WAC: variants seen among roughly 807,000 people sequenced by gnomAD.
WAC encodes WW domain containing adaptor with coiled-coil.
WAC carries 11 observed loss-of-function variants against 79.6 expected under a neutral mutation model. The observed-to-expected ratio is 0.14, with a 90% CI of 0.09 to 0.23. WAC has a LOEUF of 0.23. WAC is among the 10% of genes least tolerant of loss of function. The pLI is 1.00. For missense variants in WAC, 728 were observed against 773.5 expected, an observed-to-expected ratio of 0.94 and a Z score of 0.70; for synonymous variants, 304 against 276.9, an observed-to-expected ratio of 1.10 and a Z score of -0.97.
intron 10 of WAC, among the ~76,000 whole-genome samples, chr10:28,612,608 T>G (rs2132839479): frequency 6.6e-6 from 1 of 152,324 alleles, no homozygotes; most frequent in African/African-American, 2.4e-5. Context: ...CAAATAATTC[T>G]TTGTAAGATA....
intron 7 of WAC, among the ~76,000 whole-genome samples, chr10:28,603,170 G>A (rs1829588245): frequency 6.6e-6 from 1 of 152,170 alleles, no homozygotes; most frequent in African/African-American, 2.4e-5. Flanking sequence ...GCTTCCCTGG[G>A]CCACATTGGA....
intron 4 of WAC, among the ~76,000 whole-genome samples, chr10:28,585,351 G>A (rs749371857): frequency 1.3e-5 from 2 of 152,030 alleles, no homozygotes; most frequent in Non-Finnish European, 2.9e-5. Flanking sequence ...CCTTTCTCCT[G>A]CCTTTCATTC....
At chr10:28,564,545 G>C (rs1838490971) in intron 3 of WAC, among the ~76,000 whole-genome samples, 2 of 152,132 alleles carry the variant, frequency 1.3e-5, no homozygotes, top group African/African-American at 4.8e-5. Flanking sequence ...TTATCATTAG[G>C]GACAAGGAGA....
At chr10:28,543,951 G>T (rs140747208) in intron 3 of WAC, among the ~76,000 whole-genome samples, 1 of 152,122 alleles carries the variant, frequency 6.6e-6, no homozygotes, top group Non-Finnish European at 1.5e-5. Context: ...GTGCAGTGGC[G>T]CAATCTTTGC....
At chr10:28,534,683 A>G (rs529945841) in intron 2 of WAC, among the ~76,000 whole-genome samples, 77 of 152,298 alleles carry the variant, frequency 5.1e-4, no homozygotes, top group African/African-American at 1.3e-3. Flanking sequence ...AGTGGCCCCA[A>G]TTTTCAGGAG....
intron 3 of WAC, among the ~76,000 whole-genome samples, chr10:28,560,692 T>TAAAGG (rs1401492311): frequency 6.6e-6 from 1 of 152,186 alleles, no homozygotes; most frequent in Non-Finnish European, 1.5e-5. Flanking sequence ...GCAGACTCTG[T>TAAAGG]AAAGGACACA....
chr10:28,589,508 A>G (rs540789409), intron 4 of WAC: 7 of 247,840 alleles, frequency 2.8e-5, no homozygotes, highest in African/African-American at 4.5e-5. Flanking sequence ...TTCTGTGCCT[A>G]ACAATCTAAT....
chr10:28,565,351 G>A (rs942318087), intron 3 of WAC, among the ~76,000 whole-genome samples: 1 of 152,056 alleles, frequency 6.6e-6, no homozygotes, highest in Non-Finnish European at 1.5e-5. Context: ...AAATTCATAT[G>A]GTAGGTTAGC....
chr10:28,613,902 A>G (rs1157976573), intron 10 of WAC, among the ~76,000 whole-genome samples: 2 of 152,166 alleles, frequency 1.3e-5, no homozygotes, highest in Admixed American at 6.5e-5. Flanking sequence ...TCTCTTTGAA[A>G]AACTCTCATG....
chr10:28,616,077 C>CT lies in WAC; in HGVS notation c.1557-93dup, dbSNP rs1589248833. On this transcript the variant is annotated intron_variant, in intron 11 of 13. Transcript: ENST00000354911. ...AAATTTTTCTTAGGAATTTGGATATCTTTAAGTTAATAAAAGGTATTAACA... is the reference window on the plus strand; with the variant it reads ...AAATTTTTCTTAGGAATTTGGATATCTTTTAAGTTAATAAAAGGTATTAACA... The CT allele has an allele frequency of 5.9e-6, 6 of 1,016,494 alleles. No individual in the cohort carries two copies. The East Asian group carries it at 1.3e-4, about 22-fold the overall frequency. 63.0% of individuals were successfully genotyped at this position (1,016,494 alleles called of 1,614,324 possible). A position where few individuals can be genotyped will look rare whatever the true frequency, so the allele number is the denominator to read the frequency against.
In WAC at chr10:28,558,239, A is replaced by G. The variant is rs574276697; in HGVS notation, c.274+22482A>G. Among the ~76,000 whole-genome samples the G allele has an allele frequency of 3.5e-4, 53 of 152,068 alleles. No homozygotes were observed. In the East Asian group the frequency reaches 6.8e-3, roughly 19 times the overall value. ...TTTTCTCCTTTTTTTTTCTGTTGCC[A>G]CTTTGTTCTCTAGTGTTTAAAATTT... On this transcript the variant is annotated intron_variant, in intron 3 of 13. Coordinates refer to ENST00000354911, the MANE Select transcript of WAC (RefSeq NM_016628.5).
intron 4 of WAC, among the ~76,000 whole-genome samples, chr10:28,584,358 G>A (rs765724967): frequency 6.6e-6 from 1 of 152,152 alleles, no homozygotes; most frequent in African/African-American, 2.4e-5. Flanking sequence ...AGTGTAGCAC[G>A]GTTAGAGAAC....
At chr10:28,616,013 T>G in intron 11 of WAC, 160 bp from the exon 12 acceptor site, 1 of 569,866 alleles carries the variant, frequency 1.8e-6, no homozygotes, top group Non-Finnish European at 2.9e-6. Context: ...AATCATATAC[T>G]TTGGATTATT....
At chr10:28,539,297 A>G (rs2132333149) in intron 3 of WAC, among the ~76,000 whole-genome samples, 1 of 152,228 alleles carries the variant, frequency 6.6e-6, no homozygotes, top group Non-Finnish European at 1.5e-5. Flanking sequence ...GGGATTGTGA[A>G]GGTTTTTATT....
Position 28,622,554 on chromosome 10 carries a change from C to G in WAC, c.*2948C>G, listed in dbSNP as rs1048835032. On this transcript the variant is annotated 3_prime_UTR_variant, in exon 14 of 14. Coordinates refer to ENST00000354911, the MANE Select transcript of WAC (RefSeq NM_016628.5). ...CTCCCCTGAAGAACCAGCTTTCCTA[C>G]GCTTTTTATTTTTCTAACTTGTCTA... 1 of 151,636 alleles carries G rather than the reference C, an allele frequency of 6.6e-6. No homozygotes were observed. Among genetic ancestry groups the G allele is most frequent in the African/African-American group, 2.4e-5 (1 of 41,244 alleles). The allele number at this position is 151,636 out of a possible 1,614,324, so 9.4% of individuals were successfully genotyped here. A position where few individuals can be genotyped will look rare whatever the true frequency, so the allele number is the denominator to read the frequency against.
intron 4 of WAC, among the ~76,000 whole-genome samples, chr10:28,588,412 T>C (rs1448477464): frequency 6.6e-6 from 1 of 152,230 alleles, no homozygotes; most frequent in East Asian, 1.9e-4. Flanking sequence ...GTGATCTTTT[T>C]CCAACTGCCT....
chr10:28,595,785 G>T lies in WAC; in HGVS notation c.663G>T (p.Leu221Phe). The change falls in exon 7 of 14, where the codon TTG (leucine) becomes TTT (phenylalanine). Residue 221 changes from leucine to phenylalanine, a missense_variant. Leu to Phe is a conservative substitution (Grantham distance 22, BLOSUM62 0). Around this residue, in one of 3 missense-constraint regions of WAC, gnomAD observed 648 missense variants for 661.5 expected, o/e 0.98. Coordinates refer to ENST00000354911, the MANE Select transcript of WAC (RefSeq NM_016628.5). ...DASSLLPQNI[L>F]SQTSRHNDRD... ...GTAGTTTGCTCCCACAGAATATTTT[G>T]TCTCAAACAAGCAGACACAATGACA... 6.2e-7 allele frequency: 1 copy of T among 1,614,018 alleles called. No individual in the cohort carries two copies.
At chr10:28,600,772 G>GAA (rs1840603312) in intron 7 of WAC, among the ~76,000 whole-genome samples, 1 of 151,870 alleles carries the variant, frequency 6.6e-6, no homozygotes, top group African/African-American at 2.4e-5. Context: ...AACAAAGGTT[G>GAA]AAAGATAAGT....
At chr10:28,616,068 T>A in intron 11 of WAC, 105 bp from the exon 12 acceptor site, 6 of 910,532 alleles carry the variant, frequency 6.6e-6, no homozygotes. Flanking sequence ...TTCTTAGGAA[T>A]TTGGATATCT....
Sources: gnomAD v4.1 joint callset for allele counts (sites outside exome capture counted in the v4.1 genomes callset) on GRCh38, gnomAD v4.1.1 for gene constraint, gnomAD v4.1.1 regional missense constraint, MANE v1.5 for transcripts, NCBI Gene and HGNC (gene_info 2026-07-23, HGNC 2026-07-21) for gene names.